Variants in STK3 observed in about 807,000 individuals in gnomAD.
STK3 encodes serine/threonine-protein kinase 3.
In STK3, 41 loss-of-function variants were observed where a neutral mutation model predicts 58.0. The observed-to-expected ratio is 0.71, with a 90% CI of 0.55 to 0.92. The LOEUF is 0.92. STK3 is among the 40% of genes least tolerant of loss of function. STK3 has a pLI of 0.00. For missense variants in STK3, 479 were observed against 602.7 expected (o/e 0.79, Z 2.15); for synonymous variants, 170 against 191.0 (o/e 0.89, Z 0.91).
chr8:98,617,744 T>G (rs1240984027), intron 6 of STK3, among the ~76,000 whole-genome samples: 2 of 150,968 alleles, frequency 1.3e-5, no homozygotes, highest in Non-Finnish European at 3.0e-5. Flanking sequence ...ACACATACAC[T>G]CTCCCAAGAC....
At chr8:98,915,816 G>T (rs1257708787) in intron 1 of STK3, among the ~76,000 whole-genome samples, 1 of 151,990 alleles carries the variant, frequency 6.6e-6, no homozygotes, top group Non-Finnish European at 1.5e-5. Flanking sequence ...TCCAAAAGAA[G>T]TTTCTCCCTT....
intron 10 of STK3, among the ~76,000 whole-genome samples, chr8:98,501,565 T>C (rs543164043): frequency 6.6e-6 from 1 of 152,370 alleles, no homozygotes; most frequent in South Asian, 2.1e-4. Flanking sequence ...TTAATCCATC[T>C]TGAATTAACT....
chr8:98,529,403 T>C (rs1478802150), intron 9 of STK3, among the ~76,000 whole-genome samples: 1 of 152,128 alleles, frequency 6.6e-6, no homozygotes, highest in Non-Finnish European at 1.5e-5. Context: ...TGAGGCGGCT[T>C]AGGTGAGGTT....
intron 3 of STK3, among the ~76,000 whole-genome samples, chr8:98,424,992 C>T (rs996523788): frequency 1.3e-5 from 2 of 152,180 alleles, no homozygotes; most frequent in Non-Finnish European, 2.9e-5. Flanking sequence ...GCTGCTCAGG[C>T]CCCTGCAGCA....
At chr8:98,826,359 T>C (rs1467698624), upstream of STK3, among the ~76,000 whole-genome samples, 1 of 152,228 alleles carries the variant, frequency 6.6e-6, no homozygotes, top group Non-Finnish European at 1.5e-5. Context: ...TGGAAATTCT[T>C]GTTTGATTTT....
intron 10 of STK3, among the ~76,000 whole-genome samples, chr8:98,484,886 T>C (rs1020233361): frequency 1.3e-5 from 2 of 152,146 alleles, no homozygotes; most frequent in African/African-American, 4.8e-5. Context: ...AGTAACACAA[T>C]GAATATGATC....
At chr8:98,663,526 T>C (rs1250299486) in intron 6 of STK3, among the ~76,000 whole-genome samples, 1 of 152,188 alleles carries the variant, frequency 6.6e-6, no homozygotes, top group Non-Finnish European at 1.5e-5. Context: ...GCTGGGTATA[T>C]ACCCAAAAGA....
At chr8:98,926,131 G>A (rs559621024) in intron 1 of STK3, among the ~76,000 whole-genome samples, 2 of 152,228 alleles carry the variant, frequency 1.3e-5, no homozygotes, top group Non-Finnish European at 2.9e-5. Flanking sequence ...CACATATAAG[G>A]ACAAAAGCTG....
chr8:98,710,631 C>A (rs1304730541), intron 4 of STK3, among the ~76,000 whole-genome samples: 1 of 152,206 alleles, frequency 6.6e-6, no homozygotes, highest in Non-Finnish European at 1.5e-5. Context: ...AGTAGGTAAA[C>A]AAAGCAGCCA....
At chr8:98,941,045 G>A (rs1045210141) in intron 1 of STK3, among the ~76,000 whole-genome samples, 4 of 152,202 alleles carry the variant, frequency 2.6e-5, no homozygotes, top group East Asian at 1.9e-4. Flanking sequence ...TGTTGGCCAA[G>A]CCCTCACGCA....
chr8:98,447,632 G>T, intron 1 of STK3, among the ~76,000 whole-genome samples: 4 of 118,866 alleles, frequency 3.4e-5, no homozygotes, highest in Admixed American at 9.0e-5. Context: ...TCTATATATT[G>T]CAATACTATA....
At chr8:98,750,849 G>A (rs1057167268) in intron 3 of STK3, among the ~76,000 whole-genome samples, 22 of 152,166 alleles carry the variant, frequency 1.4e-4, no homozygotes, top group Admixed American at 7.9e-4. Context: ...TGCAAAAGTC[G>A]TCAACAAAAC....
intron 1 of STK3, among the ~76,000 whole-genome samples, chr8:98,894,718 T>C (rs1024149840): frequency 6.6e-6 from 1 of 152,212 alleles, no homozygotes; most frequent in African/African-American, 2.4e-5. Flanking sequence ...AAGTGCTCAA[T>C]AAATATTTGT....
chr8:98,409,307 C>T (rs1340245342), intron 3 of STK3, among the ~76,000 whole-genome samples: 1 of 152,210 alleles, frequency 6.6e-6, no homozygotes, highest in African/African-American at 2.4e-5. Flanking sequence ...CTCAAAGCAC[C>T]TCTGCTTATA....
intron 10 of STK3, among the ~76,000 whole-genome samples, chr8:98,474,595 C>T (rs906899421): frequency 5.9e-5 from 9 of 152,142 alleles, no homozygotes; most frequent in Admixed American, 1.3e-4. Context: ...TCCACACTCC[C>T]CACTTTGGCT....
At chr8:98,349,552 G>A in the STK3 span, among the ~76,000 whole-genome samples, 3 of 152,204 alleles carry the variant, frequency 2.0e-5, no homozygotes, top group Non-Finnish European at 4.4e-5. Context: ...TCTCTATGGG[G>A]GACCCACTCC....
In STK3 at chr8:98,548,052, T is replaced by C; in HGVS notation, c.1058A>G (p.His353Arg). The change falls in exon 9 of 11, where the codon CAT becomes CGT. Residue 353 changes from histidine (H) to arginine (R), a missense_variant. Around this residue, in one of 3 missense-constraint regions of STK3, gnomAD observed 309 missense variants for 355.7 expected, o/e 0.87. Coordinates refer to ENST00000419617, the MANE Select transcript of STK3 (RefSeq NM_006281.4). ...GTCGGATTCCAACATCGTGCTATTA[T>C]GTTCAATCATGGTCTGGGCCCCTTC... ...MSEGAQTMIE[H>R]NSTMLESDLG... The C allele has an allele frequency of 6.2e-7, 1 of 1,610,852 alleles. No individual in the cohort carries two copies. Among genetic ancestry groups the C allele is most frequent in the East Asian group, 2.2e-5 (1 of 44,622 alleles).
the STK3 span, among the ~76,000 whole-genome samples, chr8:98,353,581 T>C: frequency 1.3e-5 from 2 of 152,246 alleles, no homozygotes; most frequent in East Asian, 3.8e-4. Flanking sequence ...TCTCATTATG[T>C]ATATGCAAAT....
At chr8:98,719,974 T>G (rs1827282023) in intron 4 of STK3, among the ~76,000 whole-genome samples, 1 of 152,198 alleles carries the variant, frequency 6.6e-6, no homozygotes. Flanking sequence ...CATATCCTCC[T>G]TAATCAAAAA....
Sources: gnomAD v4.1 joint callset for allele counts (sites outside exome capture counted in the v4.1 genomes callset) on GRCh38, gnomAD v4.1.1 for gene constraint, gnomAD v4.1.1 regional missense constraint, MANE v1.5 for transcripts, NCBI Gene and HGNC (gene_info 2026-07-23, HGNC 2026-07-21) for gene names.